Variants in IL6ST observed in about 807,000 individuals in gnomAD.
The protein encoded by IL6ST is interleukin 6 cytokine family signal transducer, also known as interleukin-6 receptor subunit beta.
In IL6ST, 24 loss-of-function variants were observed where a neutral mutation model predicts 91.3. The ratio of observed to expected loss-of-function variants is 0.26; its 90% CI spans 0.19 to 0.37. IL6ST has a LOEUF of 0.37. IL6ST is among the 10% of genes least tolerant of loss of function. The pLI is 1.00. For synonymous variants in IL6ST, 351 were observed against 373.6 expected (o/e 0.94, Z 0.70); for missense variants, 914 against 1,078.5 (o/e 0.85, Z 2.14).
intron 3 of IL6ST, among the ~76,000 whole-genome samples, chr5:55,970,951 T>C (rs888929998): frequency 1.3e-5 from 2 of 151,838 alleles, no homozygotes; most frequent in African/African-American, 4.8e-5. Flanking sequence ...AAGAATCAGA[T>C]TGGGTAAAAG....
chr5:55,964,054 TTA>T, intron 6 of IL6ST, 90 bp downstream of exon 6: 1 of 599,528 alleles, frequency 1.7e-6, no homozygotes, highest in Non-Finnish European at 2.6e-6. Context: ...AAAATCTACA[TTA>T]AAATCTTAAA....
intron 7 of IL6ST, among the ~76,000 whole-genome samples, chr5:55,961,506 C>T (rs1752315550): frequency 6.6e-6 from 1 of 152,028 alleles, no homozygotes; most frequent in East Asian, 1.9e-4. Context: ...GCTTGTAATC[C>T]CAGCACTTTG....
chr5:55,970,561 G>A (rs566989844), intron 3 of IL6ST, among the ~76,000 whole-genome samples: 5 of 152,088 alleles, frequency 3.3e-5, no homozygotes, highest in African/African-American at 9.7e-5. Flanking sequence ...GGTGGTGCAC[G>A]CCTATAGTCC....
At chr5:55,955,668 G>A (rs1474779435) in intron 10 of IL6ST, among the ~76,000 whole-genome samples, 1 of 140,702 alleles carries the variant, frequency 7.1e-6, no homozygotes, top group Non-Finnish European at 1.5e-5. Context: ...AAGTGAGCAT[G>A]TAGTGATGGA....
chr5:55,952,488 C>A, intron 11 of IL6ST, 137 bp from the exon 12 acceptor site: 1 of 538,702 alleles, frequency 1.9e-6, no homozygotes, highest in Non-Finnish European at 3.3e-6. Context: ...TAAGCATTGT[C>A]TTTTGTGTAC....
intron 1 of IL6ST, among the ~76,000 whole-genome samples, chr5:55,990,083 C>T (rs1754224970): frequency 6.6e-6 from 1 of 152,140 alleles, no homozygotes; most frequent in African/African-American, 2.4e-5. Flanking sequence ...GGAGGCAGAA[C>T]ATTCCAAATG....
At chr5:55,979,705 T>C (rs1292396354) in intron 2 of IL6ST, among the ~76,000 whole-genome samples, 1 of 152,174 alleles carries the variant, frequency 6.6e-6, no homozygotes, top group East Asian at 1.9e-4. Context: ...AGAAAAAAGC[T>C]CTACCCAAAC....
At chr5:55,979,741 T>C (rs1399478595) in intron 2 of IL6ST, among the ~76,000 whole-genome samples, 1 of 152,200 alleles carries the variant, frequency 6.6e-6, no homozygotes, top group Admixed American at 6.5e-5. Context: ...TTCGGCAATA[T>C]CAATCAAAAT....
At position 55,951,549 on chromosome 5, in the gene IL6ST, G is replaced by C. The variant is rs1272464761; in HGVS notation, c.1755C>G (p.Asp585Glu). ...TEYTLSSLTSDTLYMVRMAAY... is the reference protein window; with the variant it reads ...TEYTLSSLTSETLYMVRMAAY... ...CTGCCATTCGTACCATGTACAATGTGTCACTAGTCAAAGAGGACAATGTAT... is the reference window on the plus strand; with the variant it reads ...CTGCCATTCGTACCATGTACAATGTCTCACTAGTCAAAGAGGACAATGTAT... The change falls in exon 14 of 17, where the codon GAC becomes GAG. Residue 585 changes from aspartate to glutamate, a missense_variant. Physicochemically the swap from Asp to Glu is conservative, Grantham distance 45. Transcript: ENST00000381298. 3.1e-6 allele frequency: 5 copies of C among 1,610,892 alleles called. No homozygotes were observed. The South Asian group carries it at 5.5e-5, about 18-fold the overall frequency.
chr5:55,983,357 GTC>G (rs766030464), intron 1 of IL6ST, among the ~76,000 whole-genome samples: 7 of 152,108 alleles, frequency 4.6e-5, no homozygotes, highest in Non-Finnish European at 7.4e-5. Flanking sequence ...CTTCCCTGAC[GTC>G]TATGTAATGT....
chr5:55,949,612 T>A (rs888517949), intron 14 of IL6ST, among the ~76,000 whole-genome samples: 3 of 152,232 alleles, frequency 2.0e-5, no homozygotes, highest in African/African-American at 7.2e-5. Flanking sequence ...GTTTATTTTT[T>A]AATTTTTCTC....
intron 2 of IL6ST, among the ~76,000 whole-genome samples, chr5:55,977,327 G>A (rs1035091603): frequency 2.0e-5 from 3 of 151,710 alleles, no homozygotes; most frequent in Admixed American, 6.6e-5. Context: ...TCCTGGGCTC[G>A]AGCAATCCTC....
chr5:55,965,485 G>GA (rs1305283253), intron 5 of IL6ST, among the ~76,000 whole-genome samples: 1 of 152,090 alleles, frequency 6.6e-6, no homozygotes, highest in African/African-American at 2.4e-5. Context: ...TCTTTCGACT[G>GA]AAAAAATCTA....
rs2111639376 is a variant in IL6ST, at chr5:55,947,560, G to A, written c.1870C>T (p.Pro624Ser). 2 of 1,407,904 alleles carry A rather than the reference G, an allele frequency of 1.4e-6. No homozygotes were observed. Among genetic ancestry groups the A allele is most frequent in the South Asian group, 1.2e-5 (1 of 80,666 alleles). The allele number at this position is 1,407,904 out of a possible 1,614,324, so 87.2% of individuals were successfully genotyped here. Residue 624 changes from proline (P) to serine (S), a missense_variant, in exon 15 of 17, where the codon CCT becomes TCT. Physicochemically the swap from Pro to Ser is moderately conservative, Grantham distance 74. Transcript: ENST00000381298. ...GTCAATAGGAATGCTAAGCAAACAG[G>A]CACGACTATGGCTTCAATTTCTCCT... The part of the protein sequence containing the change: ...AQGEIEAIVV[P>S]VCLAFLLTTL...
chr5:55,950,535 CAAAAAAAAA>C, intron 14 of IL6ST, among the ~76,000 whole-genome samples: 1 of 29,364 alleles, frequency 3.4e-5, no homozygotes, highest in African/African-American at 9.5e-5. Flanking sequence ...GACTCTGTCT[CAAAAAAAAA>C]AAAAAAAAAA....
chr5:55,941,938 G>A (rs1750948249), intron 16 of IL6ST, 119 bp from the exon 17 acceptor site: 1 of 826,200 alleles, frequency 1.2e-6, no homozygotes, highest in Non-Finnish European at 1.9e-6. Context: ...ATGTCACTAA[G>A]TCACTGTCAA....
chr5:55,965,814 CAA>C (rs34297008), intron 5 of IL6ST, among the ~76,000 whole-genome samples: 18 of 58,532 alleles, frequency 3.1e-4, no homozygotes, highest in Admixed American at 6.0e-4. Context: ...AACTCTGTCT[CAA>C]AAAAAAAAAA....
In IL6ST at chr5:55,935,647, T is replaced by A. The variant is rs966214911; in HGVS notation, c.*5435A>T. The A allele has an allele frequency of 4.6e-6, 1 of 219,552 alleles. No homozygotes were observed. The highest frequency in any genetic ancestry group is 9.1e-6 in the Non-Finnish European group (1 of 109,498). The allele number at this position is 219,552 out of a possible 1,614,324, so 13.6% of individuals were successfully genotyped here. A position where few individuals can be genotyped will look rare whatever the true frequency, so the allele number is the denominator to read the frequency against. ...TTTTCTACCTCAGTTCCTCTTTGCT[T>A]GTAGTCTTTCACTCCATTAACTTGC... On this transcript the variant is annotated 3_prime_UTR_variant, in exon 17 of 17. Coordinates refer to ENST00000381298, the MANE Select transcript of IL6ST (RefSeq NM_002184.4).
At chr5:55,978,674 G>A (rs923341492) in intron 2 of IL6ST, among the ~76,000 whole-genome samples, 5 of 152,196 alleles carry the variant, frequency 3.3e-5, no homozygotes, top group African/African-American at 4.8e-5. Flanking sequence ...GCAGTGAGCC[G>A]AGGTCACACC....
Sources: allele counts gnomAD v4.1 joint callset (sites outside exome capture counted in the v4.1 genomes callset), GRCh38; gene constraint gnomAD v4.1.1; transcripts MANE v1.5; gene names NCBI Gene and HGNC (gene_info 2026-07-23, HGNC 2026-07-21).